The following MDN1 variants were observed in gnomAD, a reference collection of about 807,000 sequenced individuals.
MDN1 encodes midasin.
Under a neutral mutation model 669.2 loss-of-function variants are expected in MDN1, and 266 were observed. The observed-to-expected ratio is 0.40, with a 90% CI of 0.36 to 0.44. The LOEUF is 0.44. MDN1 is among the 20% of genes least tolerant of loss of function. MDN1 has a pLI of 1.00. For synonymous variants in MDN1, 2,385 were observed against 2,457.1 expected (o/e 0.97, Z 0.87); for missense variants, 5,940 against 6,754.0 (o/e 0.88, Z 4.22).
intron 40 of MDN1, among the ~76,000 whole-genome samples, chr6:89,722,023 G>A (rs1814861368): frequency 6.6e-6 from 1 of 152,190 alleles, no homozygotes; most frequent in South Asian, 2.1e-4. Context: ...AGCTGGCTCT[G>A]CTACCTGTGA....
At chr6:89,756,869 C>T (rs778907802) in intron 19 of MDN1, among the ~76,000 whole-genome samples, 75 of 150,458 alleles carry the variant, frequency 5.0e-4, no homozygotes, top group Non-Finnish European at 6.3e-4. Context: ...TGCTGTGAGC[C>T]GAGGTTGCGC....
intron 37 of MDN1, among the ~76,000 whole-genome samples, chr6:89,727,510 C>T (rs945207348): frequency 2.6e-5 from 4 of 152,102 alleles, no homozygotes; most frequent in Non-Finnish European, 5.9e-5. Flanking sequence ...AAGCGGTTGA[C>T]GCTATTTATA....
At chr6:89,683,369 T>A (rs1811777569) in intron 72 of MDN1, 39 bp from the exon 73 acceptor site, 1 of 1,571,190 alleles carries the variant, frequency 6.4e-7, no homozygotes, top group East Asian at 2.3e-5. Flanking sequence ...AGAAAAAAAC[T>A]GGATTAGCAA....
chr6:89,795,675 T>C (rs2128327500), intron 2 of MDN1, among the ~76,000 whole-genome samples: 1 of 151,322 alleles, frequency 6.6e-6, no homozygotes, highest in African/African-American at 2.4e-5. Flanking sequence ...AAGACAGGGC[T>C]GGGTGTGGTG....
At chr6:89,751,624 A>G in intron 22 of MDN1, 42 bp from the exon 23 acceptor site, 1 of 1,588,022 alleles carries the variant, frequency 6.3e-7, no homozygotes, top group Non-Finnish European at 8.6e-7. Context: ...ACAGTTGTAC[A>G]TTCTTTCAGA....
At position 89,650,123 on chromosome 6, in the gene MDN1, G is replaced by A; in HGVS notation, c.16107C>T (p.Asp5369=). ...GCTTGGTCCTTCGAAGCCAAATCTT[G>A]TCTTTCCGAAATTGACTAGCAATGT... ...IPYIASQFRK[D]KIWLRRTKPS... The change falls in exon 97 of 102, where the codon GAC becomes GAT. Residue 5369 remains aspartate (D), a synonymous_variant. Coordinates refer to ENST00000369393, the MANE Select transcript of MDN1 (RefSeq NM_014611.3). 6.2e-7 allele frequency: 1 copy of A among 1,614,094 alleles called. No individual in the cohort carries two copies. The highest frequency in any genetic ancestry group is 1.1e-5 in the South Asian group (1 of 91,086).
In MDN1 at chr6:89,672,205, G is replaced by T; in HGVS notation, c.13789C>A (p.His4597Asn). 6.3e-7 allele frequency: 1 copy of T among 1,578,226 alleles called. No individual in the cohort carries two copies. Among genetic ancestry groups the T allele is most frequent in the Non-Finnish European group, 8.6e-7 (1 of 1,168,246 alleles). The change falls in exon 82 of 102, where the codon CAC becomes AAC. Residue 4597 changes from histidine (H) to asparagine (N), a missense_variant. His to Asn is a moderately conservative substitution (Grantham distance 68). Coordinates refer to ENST00000369393, the MANE Select transcript of MDN1 (RefSeq NM_014611.3). ...TGTAAAGAACAGTTAGTTACCAGGT[G>T]CTTTGCTGCTGTGCCATCCTCACCG... ...SYGEDGTAAKHLFFSQSCSLL... is the reference protein window; with the variant it reads ...SYGEDGTAAKNLFFSQSCSLL...
At chr6:89,654,773 T>C (rs1189533602) in intron 92 of MDN1, among the ~76,000 whole-genome samples, 1 of 152,224 alleles carries the variant, frequency 6.6e-6, no homozygotes, top group African/African-American at 2.4e-5. Flanking sequence ...TTTGAGGTGG[T>C]AGATAAGCTA....
Position 89,747,367 on chromosome 6 carries a change from T to C in MDN1, c.3866A>G (p.Glu1289Gly), listed in dbSNP as rs969971045. ...AERYRLAEPT[E>G]KEYDWLQHLA... ...ATGCTGTAGCCAGTCATACTCCTTC[T>C]CGGTCGGCTCAGCCAATCTGTATCT... The change falls in exon 27 of 102, where the codon GAG becomes GGG. Residue 1289 changes from glutamate to glycine, a missense_variant. By Grantham distance (98) the Glu-to-Gly change is moderately conservative. Around this residue, in one of 5 missense-constraint regions of MDN1, gnomAD observed 2,292 missense variants for 2,638.3 expected, o/e 0.87. Coordinates refer to ENST00000369393, the MANE Select transcript of MDN1 (RefSeq NM_014611.3). 1 of 1,614,130 alleles carries C rather than the reference T, an allele frequency of 6.2e-7. No individual in the cohort carries two copies. The highest frequency in any genetic ancestry group is 8.5e-7 in the Non-Finnish European group (1 of 1,180,024).
chr6:89,758,837 A>C lies in MDN1; in HGVS notation c.2584T>G (p.Leu862Val), dbSNP rs1226981864. The change falls in exon 18 of 102, where the codon TTG becomes GTG. Residue 862 changes from leucine to valine, a missense_variant. Coordinates refer to ENST00000369393, the MANE Select transcript of MDN1 (RefSeq NM_014611.3). ...LLEGSSGSLVLLDRGDTEPLV... is the reference protein window; with the variant it reads ...LLEGSSGSLVVLDRGDTEPLV... The stretch of plus-strand genomic sequence containing the variant: ...CTACCTGTGTCTCCTCGATCCAGCA[A>C]CACCAGGGATCCAGAAGATCCTTCA... 7.4e-6 allele frequency: 12 copies of C among 1,614,170 alleles called. No individual in the cohort carries two copies. Among genetic ancestry groups the C allele is most frequent in the Non-Finnish European group, 1.0e-5 (12 of 1,180,026 alleles).
Position 89,730,098 on chromosome 6 carries a change from G to C in MDN1, c.5140+628C>G, listed in dbSNP as rs547632533. On this transcript the variant is annotated intron_variant, in intron 35 of 101. Coordinates refer to ENST00000369393, the MANE Select transcript of MDN1 (RefSeq NM_014611.3). ...ATCCTGAAAAAGTAGAAGCACCTTA[G>C]AAGTAGCTAATCTAACTGCCTCATT... Among the ~76,000 whole-genome samples the C allele has an allele frequency of 5.9e-5, 9 of 152,296 alleles. No individual in the cohort carries two copies. In the South Asian group the frequency reaches 1.9e-3, roughly 32 times the overall value.
At chr6:89,775,739 G>A (rs908304474) in intron 12 of MDN1, among the ~76,000 whole-genome samples, 2 of 152,184 alleles carry the variant, frequency 1.3e-5, no homozygotes, top group African/African-American at 2.4e-5. Context: ...ACGTTGGAGT[G>A]CAGTGGCACA....
At chr6:89,777,435 G>C (rs1456581020) in intron 11 of MDN1, among the ~76,000 whole-genome samples, 1 of 152,160 alleles carries the variant, frequency 6.6e-6, no homozygotes, top group African/African-American at 2.4e-5. Context: ...ACCATAGTAG[G>C]AATTTAGTTT....
chr6:89,775,947 C>T (rs1375948252), intron 12 of MDN1, among the ~76,000 whole-genome samples: 1 of 152,060 alleles, frequency 6.6e-6, no homozygotes, highest in Non-Finnish European at 1.5e-5. Flanking sequence ...CCTCTGCCTC[C>T]CAAAGTCCTG....
chr6:89,762,283 T>C (rs1817588202), intron 16 of MDN1, 36 bp downstream of exon 16: 2 of 1,550,956 alleles, frequency 1.3e-6, no homozygotes, highest in African/African-American at 2.7e-5. Flanking sequence ...CCCAGCCCCA[T>C]GCCCTCCCCC....
intron 36 of MDN1, 133 bp from the exon 37 acceptor site, chr6:89,728,088 C>T: frequency 9.4e-7 from 1 of 1,063,176 alleles, no homozygotes; most frequent in East Asian, 2.6e-5. Context: ...CAAGATAGAA[C>T]TAACCAATCC....
At chr6:89,740,474 CTT>C in intron 31 of MDN1, 96 bp from the exon 32 acceptor site, 1 of 1,205,156 alleles carries the variant, frequency 8.3e-7, no homozygotes, top group South Asian at 1.7e-5. Context: ...AAGTTATCTT[CTT>C]TCTACTGAAT....
chr6:89,700,636 A>C lies in MDN1; in HGVS notation c.8638+10T>G. ...CATCTGTCAGCTAGCCAAGTGCTAG[A>C]ATATTTTACCTAGGCTGACATCTTC... On this transcript the variant is annotated intron_variant, in intron 56 of 101. Transcript: ENST00000369393. The C allele has an allele frequency of 1.9e-6, 3 of 1,612,822 alleles. No individual in the cohort carries two copies. Among genetic ancestry groups the C allele is most frequent in the Non-Finnish European group, 2.5e-6 (3 of 1,178,832 alleles).
intron 71 of MDN1, 24 bp downstream of exon 71, chr6:89,684,852 G>T: frequency 1.4e-6 from 2 of 1,445,254 alleles, no homozygotes; most frequent in South Asian, 2.3e-5. Flanking sequence ...TCCCAAGAGT[G>T]ATCATGACAG....
Sources: gnomAD v4.1 joint callset for allele counts (sites outside exome capture counted in the v4.1 genomes callset) on GRCh38, gnomAD v4.1.1 for gene constraint, gnomAD v4.1.1 regional missense constraint, MANE v1.5 for transcripts, NCBI Gene and HGNC (gene_info 2026-07-23, HGNC 2026-07-21) for gene names.